Variants in COMMD10 observed in about 807,000 individuals in gnomAD.
COMMD10 encodes COMM domain-containing protein 10.
In COMMD10, 33 loss-of-function variants were observed where a neutral mutation model predicts 28.9. The observed-to-expected ratio is 1.14, with a 90% CI of 0.87 to 1.53. The LOEUF is 1.53. COMMD10 is among the 40% of genes most tolerant of loss of function. The pLI is 0.00. For missense variants in COMMD10, 310 were observed against 233.4 expected, an observed-to-expected ratio of 1.33 and a Z score of -2.14; for synonymous variants, 110 against 81.7, an observed-to-expected ratio of 1.35 and a Z score of -1.87.
chr5:116,156,170 C>G (rs964712070), intron 5 of COMMD10, among the ~76,000 whole-genome samples: 2 of 152,066 alleles, frequency 1.3e-5, no homozygotes, highest in Admixed American at 1.3e-4. Context: ...TCCAAAATAA[C>G]TCTGTATTAT....
intron 4 of COMMD10, among the ~76,000 whole-genome samples, chr5:116,107,186 C>T (rs990237911): frequency 3.9e-5 from 6 of 151,982 alleles, no homozygotes; most frequent in Non-Finnish European, 2.9e-5. Flanking sequence ...AGTATCTTTG[C>T]GGTGTTCCCT....
intron 4 of COMMD10, among the ~76,000 whole-genome samples, chr5:116,118,045 C>A (rs1420998721): frequency 1.3e-5 from 2 of 152,152 alleles, no homozygotes; most frequent in African/African-American, 4.8e-5. Context: ...CAGCCCACAA[C>A]CTACATTGTT....
chr5:116,193,674 A>G, intron 5 of COMMD10, among the ~76,000 whole-genome samples: 1 of 152,136 alleles, frequency 6.6e-6, no homozygotes, highest in East Asian at 1.9e-4. Context: ...ATATAAAACA[A>G]TTACTAATAG....
chr5:116,196,945 C>T (rs963407910), intron 5 of COMMD10, among the ~76,000 whole-genome samples: 5 of 151,944 alleles, frequency 3.3e-5, no homozygotes, highest in African/African-American at 9.7e-5. Flanking sequence ...GCATTTCTGT[C>T]GATGTATTCC....
chr5:116,156,633 G>A (rs1752720912), intron 5 of COMMD10, among the ~76,000 whole-genome samples: 1 of 152,082 alleles, frequency 6.6e-6, no homozygotes, highest in African/African-American at 2.4e-5. Context: ...TTTTAGTCTA[G>A]GTGGTATCAC....
intron 4 of COMMD10, among the ~76,000 whole-genome samples, chr5:116,096,793 T>A (rs1253108048): frequency 3.3e-5 from 5 of 152,108 alleles, no homozygotes. Context: ...GTGTCTTCTA[T>A]GTCATTGCTT....
At chr5:116,208,665 T>A (rs538397926) in intron 5 of COMMD10, among the ~76,000 whole-genome samples, 1 of 150,222 alleles carries the variant, frequency 6.7e-6, no homozygotes, top group Non-Finnish European at 1.5e-5. Context: ...GCTTCCTTTT[T>A]TCACTGTGTG....
In COMMD10 at chr5:116,225,929, C is replaced by G. The variant is rs566137230; in HGVS notation, c.511-65588C>G. Among the ~76,000 whole-genome samples, 8 of 151,972 alleles carry G rather than the reference C, an allele frequency of 5.3e-5. No individual in the cohort carries two copies. In the East Asian group the frequency reaches 1.5e-3, roughly 29 times the overall value. On this transcript the variant is annotated intron_variant, in intron 5 of 6. Transcript: ENST00000274458. ...TGTGCTCTGAATTTGAGTCTCGTGC[C>G]TTCTGTGATTAGCTTGGTGCTAACA...
chr5:116,183,150 G>A lies in COMMD10; in HGVS notation c.510+48972G>A, dbSNP rs151178135. Among the ~76,000 whole-genome samples the A allele has an allele frequency of 2.4e-4, 36 of 152,256 alleles. 1 individual carries two copies. In the East Asian group the frequency reaches 6.4e-3, roughly 27 times the overall value. On this transcript the variant is annotated intron_variant, in intron 5 of 6. Transcript: ENST00000274458. ...ATGATCATAAAGAGATTGTTGGTGA[G>A]AGAGGCCATTGACTCACCAGAGAAC...
intron 5 of COMMD10, among the ~76,000 whole-genome samples, chr5:116,200,264 G>A (rs1247885996): frequency 6.6e-6 from 1 of 151,850 alleles, no homozygotes; most frequent in Admixed American, 6.6e-5. Context: ...CTTTTTGCTT[G>A]TACTGTTTCT....
chr5:116,108,491 GA>G (rs1750919054), intron 4 of COMMD10, among the ~76,000 whole-genome samples: 1 of 152,222 alleles, frequency 6.6e-6, no homozygotes. Context: ...GTTACACTGT[GA>G]GGGTAAAACC....
In COMMD10 at chr5:116,293,021, T is replaced by C. The variant is rs1268754213; in HGVS notation, c.*532T>C. On this transcript the variant is annotated 3_prime_UTR_variant, in exon 7 of 7. Coordinates refer to ENST00000274458, the MANE Select transcript of COMMD10 (RefSeq NM_016144.4). ...AAATGTAAAATAGTGAGTAGTATGG[T>C]ATCAGTTAATTCCAGTCTGAGCTTC... 1 of 397,326 alleles carries C rather than the reference T, an allele frequency of 2.5e-6. No individual in the cohort carries two copies. Among genetic ancestry groups the C allele is most frequent in the African/African-American group, 2.1e-5 (1 of 48,580 alleles). 24.6% of individuals were successfully genotyped at this position (397,326 alleles called of 1,614,324 possible). A position where few individuals can be genotyped will look rare whatever the true frequency, so the allele number is the denominator to read the frequency against.
At chr5:116,188,680 G>C (rs1748235447) in intron 5 of COMMD10, 2 of 135,536 alleles carry the variant, frequency 1.5e-5, no homozygotes, top group South Asian at 4.4e-4. Context: ...CATCCTCCAG[G>C]TTGGAGTGCA....
At chr5:116,171,153 A>G (rs976903315) in intron 5 of COMMD10, among the ~76,000 whole-genome samples, 4 of 151,982 alleles carry the variant, frequency 2.6e-5, no homozygotes, top group Non-Finnish European at 5.9e-5. Flanking sequence ...AAACTGCATC[A>G]AAAAATGGGC....
intron 5 of COMMD10, among the ~76,000 whole-genome samples, chr5:116,159,888 T>A (rs55854033): frequency 0.32 from 48,849 of 152,122 alleles, 11,176 homozygotes; most frequent in African/African-American, 0.65. Context: ...TGCTTAATTC[T>A]CCTCCCTAGT....
intron 3 of COMMD10, among the ~76,000 whole-genome samples, chr5:116,091,968 G>A (rs192893395): frequency 1.3e-5 from 2 of 152,304 alleles, no homozygotes; most frequent in East Asian, 3.9e-4. Context: ...AGATCACAAA[G>A]ATAAATGTGG....
chr5:116,290,566 T>C (rs1159690224), intron 5 of COMMD10, among the ~76,000 whole-genome samples: 1 of 151,812 alleles, frequency 6.6e-6, no homozygotes, highest in Non-Finnish European at 1.5e-5. Context: ...AAAGTGAACA[T>C]AGAAACTGCG....
chr5:116,241,934 G>A (rs1025840638), intron 5 of COMMD10, among the ~76,000 whole-genome samples: 4 of 152,040 alleles, frequency 2.6e-5, no homozygotes, highest in Non-Finnish European at 5.9e-5. Context: ...CTTTTAGTTA[G>A]CCTGAATAAA....
intron 5 of COMMD10, among the ~76,000 whole-genome samples, chr5:116,230,535 A>G (rs1290336589): frequency 6.6e-6 from 1 of 152,118 alleles, no homozygotes; most frequent in Non-Finnish European, 1.5e-5. Flanking sequence ...TTTATGTTCT[A>G]CATCACGATG....
Sources: allele counts gnomAD v4.1 joint callset (sites outside exome capture counted in the v4.1 genomes callset), GRCh38; gene constraint gnomAD v4.1.1; transcripts MANE v1.5; gene names NCBI Gene and HGNC (gene_info 2026-07-23, HGNC 2026-07-21).